Variants in MSN observed in about 807,000 individuals in gnomAD.
MSN encodes moesin, also known as epididymis luminal protein 70.
Under a neutral mutation model 48.0 loss-of-function variants are expected in MSN, and 2 were observed. The ratio of observed to expected loss-of-function variants is 0.04; its 90% confidence interval spans 0.02 to 0.13. The LOEUF (loss-of-function observed/expected upper bound fraction) is 0.13, where lower values mean the gene tolerates loss of function less well. MSN is among the 10% of genes least tolerant of loss of function. The probability of loss-of-function intolerance (pLI) is 1.00; values close to 1 mark genes in which losing one functional copy is unlikely to be tolerated. For synonymous variants in MSN, 146 were observed against 166.9 expected, an observed-to-expected ratio of 0.87 and a Z score of 0.97; for missense variants, 267 against 470.1, an observed-to-expected ratio of 0.57 and a Z score of 3.99.
At chrX:65,729,321 C>T (rs934747183) in intron 3 of MSN, 117 bp from the exon 4 acceptor site, 110 of 832,820 alleles carry the variant, frequency 1.3e-4, no homozygotes, top group Non-Finnish European at 1.7e-4. Context: ...GAGTTGCCAC[C>T]CAGCTGTCTA....
At chrX:65,601,148 G>A (rs762268468) in intron 1 of MSN, among the ~76,000 whole-genome samples, 1 of 112,177 alleles carries the variant, frequency 8.9e-6, no homozygotes, top group Non-Finnish European at 1.9e-5. Context: ...GATAGCTCAG[G>A]TTCAGACCTC....
intron 1 of MSN, among the ~76,000 whole-genome samples, chrX:65,649,811 G>C (rs59310712): frequency 0.06 from 6,419 of 106,360 alleles, 559 homozygotes; most frequent in African/African-American, 0.21. Flanking sequence ...CCCCACCAAA[G>C]CAAGGAACAA....
In MSN at chrX:65,732,120, T is replaced by G. The variant is rs143341524; in HGVS notation, c.698+136T>G. 2.5e-4 allele frequency: 159 copies of G among 646,498 alleles called. No homozygotes were observed. In the African/African-American group the frequency reaches 3.2e-3, roughly 13 times the overall value. 53.3% of individuals were successfully genotyped at this position (646,498 alleles called of 1,213,427 possible). On this transcript the variant is annotated intron_variant, in intron 6 of 12. Coordinates refer to ENST00000360270, the MANE Select transcript of MSN (RefSeq NM_002444.3). ...CCTAATTTAGTCCAGCCCAGATGAT[T>G]TCACAACTTCCCTTAGTCAATACTA... is the stretch of plus-strand genomic sequence containing the variant.
chrX:65,593,893 G>A (rs1334166222), intron 1 of MSN, among the ~76,000 whole-genome samples: 1 of 112,410 alleles, frequency 8.9e-6, no homozygotes, highest in African/African-American at 3.2e-5. Flanking sequence ...CATTGAGTCT[G>A]TTCCTCACAA....
intron 1 of MSN, among the ~76,000 whole-genome samples, chrX:65,611,211 G>A (rs142820895): frequency 7.8e-5 from 8 of 102,392 alleles, no homozygotes; most frequent in African/African-American, 1.1e-4. Context: ...CCAGGCTGGC[G>A]TGCAGTGGCA....
At chrX:65,604,713 A>G (rs1396073790) in intron 1 of MSN, among the ~76,000 whole-genome samples, 3 of 111,860 alleles carry the variant, frequency 2.7e-5, no homozygotes, top group Non-Finnish European at 5.6e-5. Context: ...GATCACCTCT[A>G]ACTCTTCCAT....
At chrX:65,602,246 C>T (rs1421184581) in intron 1 of MSN, among the ~76,000 whole-genome samples, 1 of 111,594 alleles carries the variant, frequency 9.0e-6, no homozygotes, top group Non-Finnish European at 1.9e-5. Flanking sequence ...GGGTGACATA[C>T]AAAGATAAAA....
intron 1 of MSN, among the ~76,000 whole-genome samples, chrX:65,635,961 A>G (rs1291865108): frequency 8.9e-5 from 10 of 112,360 alleles, no homozygotes; most frequent in Admixed American, 6.6e-4. Flanking sequence ...TTAAATATTT[A>G]TATGTGAAGA....
intron 1 of MSN, among the ~76,000 whole-genome samples, chrX:65,620,444 G>C (rs138457938): frequency 0.087 from 9,557 of 109,352 alleles, 877 homozygotes; most frequent in African/African-American, 0.32. Flanking sequence ...GAAAAGCGCA[G>C]TATTCGGGTG....
At chrX:65,730,280 G>T (rs1181398288) in intron 4 of MSN, among the ~76,000 whole-genome samples, 1 of 112,132 alleles carries the variant, frequency 8.9e-6, no homozygotes, top group African/African-American at 3.2e-5. Flanking sequence ...TAGAGGTGCA[G>T]AGGTACTCAC....
rs189769188 is a variant in MSN, at chrX:65,700,350, G to A, written c.13-16468G>A. On this transcript the variant is annotated intron_variant, in intron 1 of 12. Transcript: ENST00000360270. Reference sequence around the variant, plus strand: ...AGGGTTTCTGTCAGGTATTTGTGAAGAGATCTTAAGAATGTCCTATGGTTT... The same window carrying A: ...AGGGTTTCTGTCAGGTATTTGTGAAAAGATCTTAAGAATGTCCTATGGTTT... Among the ~76,000 whole-genome samples the A allele has an allele frequency of 2.2e-3, 251 of 111,804 alleles. 1 individual carries two copies. Among genetic ancestry groups the A allele is most frequent in the African/African-American group, 7.6e-3 (235 of 30,771 alleles).
intron 4 of MSN, 93 bp from the exon 5 acceptor site, chrX:65,731,014 T>C: frequency 1.4e-6 from 1 of 695,597 alleles, no homozygotes; most frequent in Admixed American, 3.0e-5. Context: ...ACATCCTCTT[T>C]GCATCAGCCC....
chrX:65,713,972 G>C (rs1442410901), intron 1 of MSN, among the ~76,000 whole-genome samples: 1 of 111,542 alleles, frequency 9.0e-6, no homozygotes, highest in Admixed American at 9.6e-5. Flanking sequence ...TAGAGATGGG[G>C]TTTCGCTATA....
chrX:65,642,272 T>C (rs1363142861), intron 1 of MSN, among the ~76,000 whole-genome samples: 2 of 110,643 alleles, frequency 1.8e-5, no homozygotes, highest in Non-Finnish European at 3.8e-5. Context: ...CCTATATTAA[T>C]TGGCATGCAA....
At chrX:65,648,772 A>C (rs1484237282) in intron 1 of MSN, among the ~76,000 whole-genome samples, 6 of 109,876 alleles carry the variant, frequency 5.5e-5, no homozygotes, top group Non-Finnish European at 1.1e-4. Flanking sequence ...CTGAGGCAGG[A>C]GAATCGCTTG....
At chrX:65,641,837 A>G (rs1282490837) in intron 1 of MSN, among the ~76,000 whole-genome samples, 2 of 108,403 alleles carry the variant, frequency 1.8e-5, no homozygotes, top group East Asian at 2.9e-4. Context: ...TGTAAAATTG[A>G]AAACAACTCA....
intron 1 of MSN, among the ~76,000 whole-genome samples, chrX:65,658,077 T>C (rs2148378038): frequency 8.9e-6 from 1 of 112,140 alleles, no homozygotes; most frequent in African/African-American, 3.2e-5. Context: ...TCTCTCCTTT[T>C]ACCCAGATGC....
chrX:65,698,259 TAAGA>T (rs1339893139), intron 1 of MSN, among the ~76,000 whole-genome samples: 7 of 112,110 alleles, frequency 6.2e-5, no homozygotes, highest in African/African-American at 2.3e-4. Flanking sequence ...GTTCTTACCC[TAAGA>T]AAGACTGTAC....
At chrX:65,610,233 C>T (rs1165613116) in intron 1 of MSN, among the ~76,000 whole-genome samples, 1 of 112,083 alleles carries the variant, frequency 8.9e-6, no homozygotes, top group Non-Finnish European at 1.9e-5. Context: ...AACGGAAACT[C>T]TGTAACCATT....
Sources: allele counts gnomAD v4.1 joint callset (sites outside exome capture counted in the v4.1 genomes callset), GRCh38; gene constraint gnomAD v4.1.1; transcripts MANE v1.5; gene names NCBI Gene and HGNC (gene_info 2026-07-23, HGNC 2026-07-21).